Variants in CTIF observed in about 807,000 individuals in gnomAD.
CTIF encodes the protein CBP80/20-dependent translation initiation factor.
Under a neutral mutation model 66.0 loss-of-function variants are expected in CTIF, and 21 were observed. The ratio of observed to expected loss-of-function variants is 0.32; its 90% CI spans 0.23 to 0.46. CTIF has a LOEUF of 0.46. CTIF is among the 20% of genes least tolerant of loss of function. The probability of loss-of-function intolerance (pLI) is 1.00; values close to 1 mark genes in which losing one functional copy is unlikely to be tolerated. For synonymous variants in CTIF, 345 were observed against 326.4 expected (o/e 1.06, Z -0.62); for missense variants, 739 against 812.7 (o/e 0.91, Z 1.10).
intron 7 of CTIF, among the ~76,000 whole-genome samples, chr18:48,740,196 T>A (rs1326064341): frequency 1.3e-5 from 2 of 152,162 alleles, no homozygotes; most frequent in African/African-American, 2.4e-5. Flanking sequence ...TCCCCTTCTT[T>A]CTCTCTCTGC....
At chr18:48,741,353 C>T (rs1042378781) in intron 7 of CTIF, among the ~76,000 whole-genome samples, 4 of 151,444 alleles carry the variant, frequency 2.6e-5, no homozygotes, top group Non-Finnish European at 5.9e-5. Context: ...GCTACCCTAC[C>T]CCACCCTGTG....
chr18:48,584,501 G>T (rs746261930), intron 1 of CTIF, among the ~76,000 whole-genome samples: 1 of 152,140 alleles, frequency 6.6e-6, no homozygotes, highest in Non-Finnish European at 1.5e-5. Context: ...ATCCCATTGT[G>T]TGTGATGTAG....
rs557591160 is a variant in CTIF at position 48,662,787 on chromosome 18, T to C, written c.253-965T>C. Among the ~76,000 whole-genome samples the C allele has an allele frequency of 4.6e-5, 7 of 152,226 alleles. No homozygotes were observed. The East Asian group carries it at 1.4e-3, about 29-fold the overall frequency. ...CTCTTTTGCATCTGGGTTCTTTTGTTCCCTGTATGCTTGTGATATTTATTC... is the reference window on the plus strand; with the variant it reads ...CTCTTTTGCATCTGGGTTCTTTTGTCCCCTGTATGCTTGTGATATTTATTC... On this transcript the variant is annotated intron_variant, in intron 3 of 11. Coordinates refer to ENST00000256413, the MANE Select transcript of CTIF (RefSeq NM_014772.3).
At position 48,714,069 on chromosome 18, in the gene CTIF, C is replaced by T. The variant is rs567483180; in HGVS notation, c.584+2374C>T. On this transcript the variant is annotated intron_variant, in intron 7 of 11. Transcript: ENST00000256413. ...GACCTTTTTGTCTAAAAGCAGGGGT[C>T]TCCTGAGTCTGTTTTGGGAAATCGT... 2.4e-4 allele frequency among the ~76,000 whole-genome samples: 36 copies of T among 152,230 alleles called. No homozygotes were observed. The South Asian group carries it at 3.7e-3, about 16-fold the overall frequency.
At chr18:48,830,963 T>A (rs935545760) in intron 10 of CTIF, among the ~76,000 whole-genome samples, 7 of 152,248 alleles carry the variant, frequency 4.6e-5, no homozygotes, top group African/African-American at 1.2e-4. Flanking sequence ...TAGATACTTA[T>A]TGACTGAATT....
intron 1 of CTIF, among the ~76,000 whole-genome samples, chr18:48,562,904 T>G (rs2089194860): frequency 6.6e-6 from 1 of 152,182 alleles, no homozygotes; most frequent in African/African-American, 2.4e-5. Flanking sequence ...GTGATTTGCC[T>G]TAGACTCTTG....
chr18:48,668,110 G>A (rs1339280385), intron 5 of CTIF, among the ~76,000 whole-genome samples: 1 of 152,230 alleles, frequency 6.6e-6, no homozygotes, highest in African/African-American at 2.4e-5. Flanking sequence ...GGAGATCTGA[G>A]CCCTGACGAG....
intron 2 of CTIF, among the ~76,000 whole-genome samples, chr18:48,633,889 G>C (rs374515809): frequency 6.6e-6 from 1 of 152,128 alleles, no homozygotes; most frequent in East Asian, 1.9e-4. Flanking sequence ...TCACCTTGCC[G>C]TAATATGAAC....
Position 48,838,495 on chromosome 18 carries a change from C to T in CTIF, c.1528-19093C>T, listed in dbSNP as rs557487616. On this transcript the variant is annotated intron_variant, in intron 10 of 11. Transcript: ENST00000256413. ...GGAAATATATAGATTGATTTTTGTC[C>T]GCCCCCCTGAAACGAGTCCCCTTTA... Among the ~76,000 whole-genome samples the T allele has an allele frequency of 2.6e-5, 4 of 152,224 alleles. No individual in the cohort carries two copies. The South Asian group carries it at 6.2e-4, about 24-fold the overall frequency.
At chr18:48,665,461 T>A (rs1004226042) in intron 5 of CTIF, among the ~76,000 whole-genome samples, 63 of 152,298 alleles carry the variant, frequency 4.1e-4, no homozygotes, top group Admixed American at 8.5e-4. Context: ...TTTATAGTTT[T>A]ATATAATTTT....
intron 1 of CTIF, among the ~76,000 whole-genome samples, chr18:48,593,234 C>T (rs916044189): frequency 6.6e-6 from 1 of 152,098 alleles, no homozygotes; most frequent in African/African-American, 2.4e-5. Flanking sequence ...AGAGCAGGGG[C>T]GTCAACACCT....
At chr18:48,566,150 C>T (rs2143555566) in intron 1 of CTIF, 1 of 152,350 alleles carries the variant, frequency 6.6e-6, no homozygotes, top group East Asian at 1.9e-4. Flanking sequence ...TTGCCCCACT[C>T]ACTACTTTCT....
intron 1 of CTIF, among the ~76,000 whole-genome samples, chr18:48,540,848 G>T (rs2088595555): frequency 6.6e-6 from 1 of 151,954 alleles, no homozygotes; most frequent in South Asian, 2.1e-4. Context: ...GTGTCCCCGC[G>T]CGCGCGCGCC....
At chr18:48,552,615 C>A (rs111440119) in intron 1 of CTIF, among the ~76,000 whole-genome samples, 120 of 152,280 alleles carry the variant, frequency 7.9e-4, no homozygotes, top group South Asian at 2.3e-3. Context: ...TCATGAGGCT[C>A]TGCCCTCATG....
At chr18:48,739,450 G>A (rs778906451) in intron 7 of CTIF, among the ~76,000 whole-genome samples, 5 of 152,204 alleles carry the variant, frequency 3.3e-5, no homozygotes, top group Non-Finnish European at 5.9e-5. Context: ...TCACCTGGTG[G>A]GGTGTGGTGG....
intron 9 of CTIF, among the ~76,000 whole-genome samples, chr18:48,777,085 T>C (rs1266246431): frequency 1.3e-5 from 2 of 152,212 alleles, no homozygotes; most frequent in Non-Finnish European, 2.9e-5. Flanking sequence ...TGCTGACTGA[T>C]TGGTTAGCGG....
intron 1 of CTIF, among the ~76,000 whole-genome samples, chr18:48,607,454 G>C (rs1002448747): frequency 6.6e-6 from 1 of 152,228 alleles, no homozygotes; most frequent in Non-Finnish European, 1.5e-5. Flanking sequence ...GTGCCCATCA[G>C]CAGCCGTCTG....
intron 1 of CTIF, among the ~76,000 whole-genome samples, chr18:48,617,116 A>G (rs2090414146): frequency 6.6e-6 from 1 of 152,178 alleles, no homozygotes; most frequent in Admixed American, 6.5e-5. Flanking sequence ...TGGTTCTCAG[A>G]TGAATTTACT....
chr18:48,837,125 C>G (rs2068829367), intron 10 of CTIF, among the ~76,000 whole-genome samples: 1 of 152,208 alleles, frequency 6.6e-6, no homozygotes, highest in Non-Finnish European at 1.5e-5. Context: ...CTCCTGGCTC[C>G]CATCCAATGC....
Sources: allele counts gnomAD v4.1 joint callset (sites outside exome capture counted in the v4.1 genomes callset), GRCh38; gene constraint gnomAD v4.1.1; transcripts MANE v1.5; gene names NCBI Gene and HGNC (gene_info 2026-07-23, HGNC 2026-07-21).